The following MGAT5 variants were observed in gnomAD, a reference collection of about 807,000 sequenced individuals.
MGAT5 encodes the protein alpha-1,6-mannosylglycoprotein 6-beta-N-acetylglucosaminyltransferase A.
In MGAT5, 30 loss-of-function variants were observed where a neutral mutation model predicts 94.3. That is an observed-to-expected ratio of 0.32 (90% CI 0.24 to 0.43). The LOEUF (loss-of-function observed/expected upper bound fraction) is 0.43, where lower values mean the gene tolerates loss of function less well. Ranked by LOEUF, MGAT5 falls within the 20% of genes least tolerant of loss-of-function variation. The pLI, the probability that MGAT5 is intolerant of heterozygous loss-of-function variation, is 1.00. For missense variants in MGAT5, 691 were observed against 905.5 expected (o/e 0.76, Z 3.04); for synonymous variants, 310 against 322.9 (o/e 0.96, Z 0.43).
At chr2:134,296,091 C>T (rs924759599) in intron 2 of MGAT5, among the ~76,000 whole-genome samples, 1 of 151,936 alleles carries the variant, frequency 6.6e-6, no homozygotes, top group African/African-American at 2.4e-5. Flanking sequence ...CGGTTTAGGC[C>T]AAGAGGTGGG....
chr2:134,444,884 A>G (rs535900), intron 15 of MGAT5, among the ~76,000 whole-genome samples: 60,931 of 151,990 alleles, frequency 0.4, 13,825 homozygotes, highest in Admixed American at 0.53. Context: ...CAGAGCACGC[A>G]TGATTCAGGT....
intron 9 of MGAT5, among the ~76,000 whole-genome samples, chr2:134,354,301 G>A (rs1038554545): frequency 2.0e-5 from 3 of 152,160 alleles, no homozygotes; most frequent in African/African-American, 7.2e-5. Flanking sequence ...GAAATAGAGT[G>A]CTATACTTGA....
chr2:134,173,059 A>G (rs932601511), intron 1 of MGAT5, among the ~76,000 whole-genome samples: 2 of 152,206 alleles, frequency 1.3e-5, no homozygotes, highest in African/African-American at 4.8e-5. Context: ...TCTAGCTGTC[A>G]CCTTGAGAGT....
At chr2:134,173,571 A>G (rs1688322007) in intron 1 of MGAT5, among the ~76,000 whole-genome samples, 1 of 151,290 alleles carries the variant, frequency 6.6e-6, no homozygotes, top group African/African-American at 2.4e-5. Context: ...GTCATGTGGG[A>G]CTCCTCGGCT....
At chr2:134,154,324 AG>A (rs1687374059) in intron 1 of MGAT5, among the ~76,000 whole-genome samples, 1 of 152,152 alleles carries the variant, frequency 6.6e-6, no homozygotes, top group South Asian at 2.1e-4. Flanking sequence ...GCAATACGAG[AG>A]GCTGCGACTT....
intron 1 of MGAT5, among the ~76,000 whole-genome samples, chr2:134,148,171 C>T (rs1174785186): frequency 6.6e-6 from 1 of 152,162 alleles, no homozygotes; most frequent in Non-Finnish European, 1.5e-5. Flanking sequence ...AGGAAACATC[C>T]ACGGGCTTCA....
At chr2:134,354,423 T>C (rs1679590617) in intron 9 of MGAT5, among the ~76,000 whole-genome samples, 1 of 152,090 alleles carries the variant, frequency 6.6e-6, no homozygotes, top group Admixed American at 6.5e-5. Flanking sequence ...AGTGGGAAGA[T>C]AAAGAAAAAT....
chr2:134,379,716 G>C (rs1681419686), intron 10 of MGAT5, among the ~76,000 whole-genome samples: 1 of 152,186 alleles, frequency 6.6e-6, no homozygotes, highest in Non-Finnish European at 1.5e-5. Flanking sequence ...GCCTCAGGAG[G>C]TACAAAATAC....
intron 2 of MGAT5, among the ~76,000 whole-genome samples, chr2:134,286,157 C>T (rs989875201): frequency 6.6e-6 from 1 of 152,146 alleles, no homozygotes; most frequent in African/African-American, 2.4e-5. Flanking sequence ...ATCAGAGAAC[C>T]CTTCTTACTG....
At chr2:134,369,366 A>G (rs1171924921) in intron 10 of MGAT5, among the ~76,000 whole-genome samples, 1 of 152,232 alleles carries the variant, frequency 6.6e-6, no homozygotes, top group African/African-American at 2.4e-5. Context: ...CTCTTGTGAG[A>G]TTAGCAGGGA....
At chr2:134,384,629 A>G (rs1681856841) in intron 10 of MGAT5, among the ~76,000 whole-genome samples, 1 of 152,240 alleles carries the variant, frequency 6.6e-6, no homozygotes, top group African/African-American at 2.4e-5. Context: ...AAGTACACTT[A>G]CCTTTCGGAA....
At chr2:134,277,699 T>C (rs1684463184) in intron 2 of MGAT5, among the ~76,000 whole-genome samples, 2 of 152,238 alleles carry the variant, frequency 1.3e-5, no homozygotes, top group East Asian at 1.9e-4. Context: ...TGAGCATTTG[T>C]TAATTACAGT....
At chr2:134,274,577 T>C (rs1365253311) in intron 2 of MGAT5, among the ~76,000 whole-genome samples, 2 of 152,154 alleles carry the variant, frequency 1.3e-5, no homozygotes, top group Non-Finnish European at 2.9e-5. Flanking sequence ...GTAGTGTATG[T>C]ATGTGCATGT....
intron 2 of MGAT5, among the ~76,000 whole-genome samples, chr2:134,296,512 T>C (rs1441119128): frequency 6.6e-6 from 1 of 152,136 alleles, no homozygotes; most frequent in Non-Finnish European, 1.5e-5. Context: ...CCTCTTTTTT[T>C]CCCCTTGTCT....
intron 4 of MGAT5, among the ~76,000 whole-genome samples, chr2:134,328,031 C>A (rs1266584250): frequency 6.6e-6 from 1 of 152,080 alleles, no homozygotes; most frequent in Non-Finnish European, 1.5e-5. Context: ...TAGAAAGTAT[C>A]TCTATGCATT....
intron 2 of MGAT5, among the ~76,000 whole-genome samples, chr2:134,293,378 T>C (rs1164113525): frequency 1.3e-5 from 2 of 152,238 alleles, no homozygotes; most frequent in African/African-American, 4.8e-5. Context: ...AGTGCTTTGC[T>C]CCGTTCCTTT....
chr2:134,131,011 CT>C (rs1558948093), intron 1 of MGAT5, among the ~76,000 whole-genome samples: 1 of 152,232 alleles, frequency 6.6e-6, no homozygotes, highest in African/African-American at 2.4e-5. Context: ...TGGCAACCCC[CT>C]GGGGTCCCCT....
At chr2:134,303,466 TAAG>T (rs1185121767) in intron 2 of MGAT5, among the ~76,000 whole-genome samples, 1 of 152,164 alleles carries the variant, frequency 6.6e-6, no homozygotes, top group Non-Finnish European at 1.5e-5. Flanking sequence ...GCCTTGAACT[TAAG>T]AAGACTTGCT....
intron 1 of MGAT5, among the ~76,000 whole-genome samples, chr2:134,150,245 C>G (rs1250290762): frequency 6.6e-6 from 1 of 152,156 alleles, no homozygotes; most frequent in Non-Finnish European, 1.5e-5. Flanking sequence ...GTGTGTTTAC[C>G]CCTATCAGCA....
Sources: gnomAD v4.1 joint callset for allele counts (sites outside exome capture counted in the v4.1 genomes callset) on GRCh38, gnomAD v4.1.1 for gene constraint, MANE v1.5 for transcripts, NCBI Gene and HGNC (gene_info 2026-07-23, HGNC 2026-07-21) for gene names.